The following R3HDM1 variants were observed in gnomAD, a reference collection of about 807,000 sequenced individuals.
The protein encoded by R3HDM1 is R3H domain-containing protein 1.
In R3HDM1, 46 loss-of-function variants were observed where a neutral mutation model predicts 141.1. The ratio of observed to expected loss-of-function variants is 0.33; its 90% confidence interval spans 0.26 to 0.42. The LOEUF is 0.42. Ranked by LOEUF, R3HDM1 falls within the 10% of genes least tolerant of loss-of-function variation. R3HDM1 has a pLI of 1.00. For synonymous variants in R3HDM1, 435 were observed against 472.9 expected (o/e 0.92, Z 1.04); for missense variants, 1,184 against 1,368.3 (o/e 0.87, Z 2.12).
intron 19 of R3HDM1, among the ~76,000 whole-genome samples, chr2:135,665,879 T>C (rs1156619078): frequency 6.6e-6 from 1 of 152,222 alleles, no homozygotes; most frequent in Non-Finnish European, 1.5e-5. Context: ...CATTTGAAGC[T>C]ACTTGGTCTC....
rs1192668524 is a variant in R3HDM1, at chr2:135,709,464, T to C, written c.2491T>C (p.Ser831Pro). ...AGTAGGTTACCTGCAACATCCAGGATCAGAACAAGTACAATTTCCTCGAAC... is the reference window on the plus strand; with the variant it reads ...AGTAGGTTACCTGCAACATCCAGGACCAGAACAAGTACAATTTCCTCGAAC... ...SSVGYLQHPGSEQVQFPRTTS... is the reference protein window; with the variant it reads ...SSVGYLQHPGPEQVQFPRTTS... The change falls in exon 22 of 27, where the codon TCA (serine) becomes CCA (proline). Residue 831 changes from serine (S) to proline (P), a missense_variant. Ser to Pro is a moderately conservative substitution (Grantham distance 74). Transcript: ENST00000683871. 1.2e-6 allele frequency: 2 copies of C among 1,614,172 alleles called. No homozygotes were observed. Among genetic ancestry groups the C allele is most frequent in the Non-Finnish European group, 8.5e-7 (1 of 1,180,022 alleles).
At chr2:135,582,405 G>A (rs1306362894) in intron 1 of R3HDM1, among the ~76,000 whole-genome samples, 1 of 152,196 alleles carries the variant, frequency 6.6e-6, no homozygotes, top group Non-Finnish European at 1.5e-5. Flanking sequence ...CATAGGAAGT[G>A]AATTTCTTAC....
chr2:135,670,138 C>G (rs78532387), intron 19 of R3HDM1: 4 of 97,588 alleles, frequency 4.1e-5, no homozygotes, highest in Non-Finnish European at 7.1e-5. Context: ...GACTCAGTCT[C>G]AAAAAAAAAA....
chr2:135,541,866 A>AG (rs1559087434), intron 1 of R3HDM1, among the ~76,000 whole-genome samples: 21 of 150,214 alleles, frequency 1.4e-4, no homozygotes, highest in South Asian at 8.6e-4. Flanking sequence ...AAAAAAAAAA[A>AG]AAAAAGAAAG....
chr2:135,584,011 C>A (rs993546446), intron 1 of R3HDM1: 31 of 985,220 alleles, frequency 3.1e-5, no homozygotes, highest in Non-Finnish European at 3.7e-5. Flanking sequence ...ATTTAAGGTG[C>A]AAGCAAAAAG....
chr2:135,717,484 C>CA (rs113066395), intron 24 of R3HDM1, among the ~76,000 whole-genome samples: 32 of 141,412 alleles, frequency 2.3e-4, no homozygotes, highest in South Asian at 4.4e-4. Context: ...CACTGCATCT[C>CA]AAAAAAAAAA....
At chr2:135,718,193 T>A (rs188887000) in intron 24 of R3HDM1, among the ~76,000 whole-genome samples, 85 of 152,160 alleles carry the variant, frequency 5.6e-4, no homozygotes, top group African/African-American at 2.0e-3. Flanking sequence ...TGGAACTGAC[T>A]GGGAAGGGAC....
intron 19 of R3HDM1, among the ~76,000 whole-genome samples, chr2:135,666,508 C>T (rs2067515206): frequency 6.6e-6 from 1 of 152,118 alleles, no homozygotes; most frequent in Non-Finnish European, 1.5e-5. Context: ...TTTCCCTTTT[C>T]CCTTCTCCAT....
intron 3 of R3HDM1, among the ~76,000 whole-genome samples, chr2:135,610,289 CT>C (rs2060420659): frequency 1.3e-5 from 2 of 152,184 alleles, no homozygotes; most frequent in Admixed American, 1.3e-4. Flanking sequence ...ATGCCTCTCC[CT>C]CACATTATTA....
At chr2:135,695,430 G>GT (rs1320555756) in intron 21 of R3HDM1, among the ~76,000 whole-genome samples, 1 of 152,120 alleles carries the variant, frequency 6.6e-6, no homozygotes, top group Non-Finnish European at 1.5e-5. Flanking sequence ...TAATTCATGT[G>GT]TAACAGGCAT....
chr2:135,581,202 A>C, intron 1 of R3HDM1: 1 of 985,420 alleles, frequency 1.0e-6, no homozygotes, highest in Non-Finnish European at 1.2e-6. Flanking sequence ...TTAAGGTAGT[A>C]GTGAGGATGG....
At chr2:135,575,207 C>T (rs1705122732) in intron 1 of R3HDM1, among the ~76,000 whole-genome samples, 1 of 152,114 alleles carries the variant, frequency 6.6e-6, no homozygotes, top group Admixed American at 6.6e-5. Flanking sequence ...ATACCTCGAC[C>T]CAAACTGTTT....
At chr2:135,615,201 T>C (rs1157761339) in intron 3 of R3HDM1, among the ~76,000 whole-genome samples, 1 of 152,048 alleles carries the variant, frequency 6.6e-6, no homozygotes, top group African/African-American at 2.4e-5. Context: ...TAGACTCTTG[T>C]TTCTGTTGAC....
At chr2:135,662,740 T>C (rs1260507054) in intron 19 of R3HDM1, among the ~76,000 whole-genome samples, 2 of 152,244 alleles carry the variant, frequency 1.3e-5, no homozygotes, top group African/African-American at 4.8e-5. Context: ...GGAACATTGG[T>C]TGTGGTACTG....
intron 1 of R3HDM1, among the ~76,000 whole-genome samples, chr2:135,576,191 A>G (rs1292977110): frequency 2.0e-5 from 3 of 152,088 alleles, no homozygotes; most frequent in South Asian, 4.2e-4. Flanking sequence ...TGAGCCCAGC[A>G]GTTTGAGACC....
At chr2:135,662,126 T>C (rs1045576669) in intron 19 of R3HDM1, among the ~76,000 whole-genome samples, 1 of 152,234 alleles carries the variant, frequency 6.6e-6, no homozygotes, top group African/African-American at 2.4e-5. Context: ...TAATAAGGTA[T>C]TTATTCAGCC....
At chr2:135,584,488 A>G (rs1707445249) in intron 1 of R3HDM1, 4 of 614,936 alleles carry the variant, frequency 6.5e-6, no homozygotes, top group East Asian at 1.4e-4. Context: ...AGGTAGAGAC[A>G]CAGCCAACTC....
intron 24 of R3HDM1, among the ~76,000 whole-genome samples, chr2:135,718,785 G>C (rs1019394548): frequency 6.6e-6 from 1 of 151,986 alleles, no homozygotes; most frequent in South Asian, 2.1e-4. Flanking sequence ...CCCAGCACCA[G>C]GGTGGTTTTT....
intron 26 of R3HDM1, 132 bp from the exon 27 acceptor site, chr2:135,723,805 A>AAAAAAAAAG (rs2076941428): frequency 2.5e-6 from 1 of 403,944 alleles, no homozygotes; most frequent in African/African-American, 2.2e-5. Flanking sequence ...AAAAAAAAAA[A>AAAAAAAAAG]GATGGCCCTA....
Sources: gnomAD v4.1 joint callset for allele counts (sites outside exome capture counted in the v4.1 genomes callset) on GRCh38, gnomAD v4.1.1 for gene constraint, MANE v1.5 for transcripts, NCBI Gene and HGNC (gene_info 2026-07-23, HGNC 2026-07-21) for gene names.